Variants in SGIP1 observed in about 807,000 individuals in gnomAD.
The protein encoded by SGIP1 is SH3GL interacting endocytic adaptor 1.
Under a neutral mutation model 107.5 loss-of-function variants are expected in SGIP1, and 38 were observed. The ratio of observed to expected loss-of-function variants is 0.35; its 90% CI spans 0.27 to 0.46. The LOEUF (loss-of-function observed/expected upper bound fraction) is 0.46, where lower values mean the gene tolerates loss of function less well. SGIP1 is among the 20% of genes least tolerant of loss of function. The pLI is 1.00. For synonymous variants in SGIP1, 365 were observed against 366.1 expected, an observed-to-expected ratio of 1.00 and a Z score of 0.03; for missense variants, 929 against 1,019.5, an observed-to-expected ratio of 0.91 and a Z score of 1.21.
intron 1 of SGIP1, among the ~76,000 whole-genome samples, chr1:66,541,513 C>T (rs1430984657): frequency 6.6e-6 from 1 of 152,224 alleles, no homozygotes; most frequent in Non-Finnish European, 1.5e-5. Flanking sequence ...AGCAACAACT[C>T]TAGGCTTGAA....
chr1:66,622,933 G>T (rs1161874150), intron 1 of SGIP1, among the ~76,000 whole-genome samples: 1 of 152,104 alleles, frequency 6.6e-6, no homozygotes, highest in Non-Finnish European at 1.5e-5. Context: ...AAAATCATTG[G>T]ATATACTGTT....
intron 15 of SGIP1, among the ~76,000 whole-genome samples, chr1:66,683,905 C>A (rs1264182659): frequency 6.6e-6 from 1 of 151,624 alleles, no homozygotes; most frequent in Non-Finnish European, 1.5e-5. Flanking sequence ...TCAGTAGAGA[C>A]AGAGTTTCAC....
intron 1 of SGIP1, among the ~76,000 whole-genome samples, chr1:66,596,829 C>T (rs1454833080): frequency 1.3e-5 from 2 of 151,932 alleles, no homozygotes; most frequent in Non-Finnish European, 1.5e-5. Context: ...AAAAGATCTG[C>T]AATGAGCATT....
rs2087364109 is a variant in SGIP1, at chr1:66,683,691, G to GTTTCT, written c.1315+1331_1315+1335dup. Among the ~76,000 whole-genome samples, 38 of 61,152 alleles carry GTTTCT rather than the reference G, an allele frequency of 6.2e-4. No individual in the cohort carries two copies. The South Asian group carries it at 0.014, about 23-fold the overall frequency. The allele number at this position is 61,152 out of a possible 152,430, so 40.1% of individuals were successfully genotyped here. The stretch of plus-strand genomic sequence containing the variant: ...ATCCTGGGCACCACACTGTTTGTTT[G>GTTTCT]TTTCTTTTCTTTTTTTTTTTTTTTT... On this transcript the variant is annotated intron_variant, in intron 15 of 24. Coordinates refer to ENST00000371037, the MANE Select transcript of SGIP1 (RefSeq NM_032291.4).
At chr1:66,693,334 A>G (rs1319152518) in intron 17 of SGIP1, among the ~76,000 whole-genome samples, 2 of 152,046 alleles carry the variant, frequency 1.3e-5, no homozygotes, top group Non-Finnish European at 2.9e-5. Flanking sequence ...GACCTCTACT[A>G]TATGATTTGG....
intron 18 of SGIP1, among the ~76,000 whole-genome samples, chr1:66,709,951 T>C (rs2092798471): frequency 6.6e-6 from 1 of 152,094 alleles, no homozygotes. Context: ...CATTTTTATA[T>C]GCAGCATGCA....
chr1:66,659,332 T>C lies in SGIP1; in HGVS notation c.460-1181T>C, dbSNP rs181249635. Among the ~76,000 whole-genome samples, 12 of 152,262 alleles carry C rather than the reference T, an allele frequency of 7.9e-5. 1 individual carries two copies. In the East Asian group the frequency reaches 2.1e-3, roughly 27 times the overall value. On this transcript the variant is annotated intron_variant, in intron 7 of 24. Transcript: ENST00000371037. ...AGTAACAGGGCATTCTGAGGGGCCA[T>C]TGACCACTCACAGGGAGAAGAATTC...
At position 66,536,982 on chromosome 1, in the gene SGIP1, C is replaced by T. The variant is rs994819681; in HGVS notation, c.10+2614C>T. 4.6e-5 allele frequency among the ~76,000 whole-genome samples: 7 copies of T among 152,198 alleles called. No homozygotes were observed. In the South Asian group the frequency reaches 6.2e-4, roughly 14 times the overall value. On this transcript the variant is annotated intron_variant, in intron 1 of 24. Coordinates refer to ENST00000371037, the MANE Select transcript of SGIP1 (RefSeq NM_032291.4). ...CAGCAGAATGGGTCATAGTAAACTA[C>T]GTTTTGTTTGTGTGGAACAGGATAT...
At chr1:66,704,440 G>A (rs969679970) in intron 18 of SGIP1, 2 of 152,110 alleles carry the variant, frequency 1.3e-5, no homozygotes, top group African/African-American at 4.8e-5. Flanking sequence ...GGGGTTCTGT[G>A]TCAACACTGA....
At chr1:66,584,456 C>A (rs2062263352) in intron 1 of SGIP1, among the ~76,000 whole-genome samples, 3 of 152,114 alleles carry the variant, frequency 2.0e-5, no homozygotes, top group Non-Finnish European at 2.9e-5. Context: ...GTTAAAAATC[C>A]TCTAACCCAT....
chr1:66,613,748 A>G (rs1388763997), intron 1 of SGIP1, among the ~76,000 whole-genome samples: 2 of 152,216 alleles, frequency 1.3e-5, no homozygotes, highest in Admixed American at 6.5e-5. Context: ...CGCACCTTTG[A>G]TAAGTAGATG....
intron 19 of SGIP1, among the ~76,000 whole-genome samples, chr1:66,724,956 A>G (rs2093691397): frequency 1.3e-5 from 2 of 152,216 alleles, no homozygotes; most frequent in Admixed American, 1.3e-4. Context: ...ACAATATTCT[A>G]CATGTCCACA....
chr1:66,676,369 A>T (rs2085329817), intron 12 of SGIP1, among the ~76,000 whole-genome samples: 1 of 152,230 alleles, frequency 6.6e-6, no homozygotes, highest in African/African-American at 2.4e-5. Flanking sequence ...TAATCAGAAC[A>T]GGAAGCAAAA....
At chr1:66,576,821 G>T (rs1569823989) in intron 1 of SGIP1, among the ~76,000 whole-genome samples, 3 of 152,168 alleles carry the variant, frequency 2.0e-5, no homozygotes, top group African/African-American at 7.2e-5. Context: ...GTCATCTGAA[G>T]TTGTGGATCT....
intron 1 of SGIP1, among the ~76,000 whole-genome samples, chr1:66,551,837 G>A (rs1274458867): frequency 6.6e-6 from 1 of 152,184 alleles, no homozygotes; most frequent in Non-Finnish European, 1.5e-5. Context: ...GTGTGCAGAA[G>A]TCCAAGATTG....
intron 7 of SGIP1, among the ~76,000 whole-genome samples, chr1:66,651,823 T>C (rs2078822043): frequency 1.3e-5 from 2 of 152,230 alleles, no homozygotes; most frequent in South Asian, 4.1e-4. Flanking sequence ...ATGCAGATTG[T>C]TTGCACTTTT....
At chr1:66,698,578 C>T (rs895949920) in intron 18 of SGIP1, among the ~76,000 whole-genome samples, 3 of 152,030 alleles carry the variant, frequency 2.0e-5, no homozygotes, top group African/African-American at 7.2e-5. Context: ...TGGGGTTTCA[C>T]CGTGTTAGCC....
chr1:66,556,103 G>C (rs181624188), intron 1 of SGIP1, among the ~76,000 whole-genome samples: 1 of 152,006 alleles, frequency 6.6e-6, no homozygotes. Context: ...AACAAAAATA[G>C]CTCCTAAGTC....
intron 6 of SGIP1, among the ~76,000 whole-genome samples, chr1:66,643,224 A>G (rs2077093842): frequency 2.0e-5 from 3 of 152,314 alleles, no homozygotes; most frequent in African/African-American, 2.4e-5. Context: ...AGGATCATTC[A>G]TAAAGCAGCC....
Sources: gnomAD v4.1 joint callset for allele counts (sites outside exome capture counted in the v4.1 genomes callset) on GRCh38, gnomAD v4.1.1 for gene constraint, MANE v1.5 for transcripts, NCBI Gene and HGNC (gene_info 2026-07-23, HGNC 2026-07-21) for gene names.